The following CSMD1 variants were observed in gnomAD, a reference collection of about 807,000 sequenced individuals.
The protein encoded by CSMD1 is CUB and sushi domain-containing protein 1.
CSMD1 carries 213 observed loss-of-function variants against 417.5 expected under a neutral mutation model. The ratio of observed to expected loss-of-function variants is 0.51; its 90% CI spans 0.46 to 0.57. The LOEUF is 0.57. CSMD1 is among the 20% of genes least tolerant of loss of function. The pLI, the probability that CSMD1 is intolerant of heterozygous loss-of-function variation, is 0.00. For synonymous variants in CSMD1, 2,862 were observed against 1,736.8 expected, an observed-to-expected ratio of 1.65 and a Z score of -16.11; for missense variants, 6,923 against 4,529.7, an observed-to-expected ratio of 1.53 and a Z score of -15.17.
At chr8:4,702,106 C>G (rs576988032) in intron 1 of CSMD1, among the ~76,000 whole-genome samples, 1 of 152,220 alleles carries the variant, frequency 6.6e-6, no homozygotes, top group East Asian at 1.9e-4. Context: ...TGGAGCCTGT[C>G]AGGGATGAGG....
chr8:3,222,678 G>A (rs1798286214), intron 28 of CSMD1, among the ~76,000 whole-genome samples: 1 of 152,072 alleles, frequency 6.6e-6, no homozygotes, highest in South Asian at 2.1e-4. Flanking sequence ...GACGCTACTA[G>A]AATTTAACAT....
chr8:3,240,913 G>C (rs1379674110), intron 26 of CSMD1, among the ~76,000 whole-genome samples: 3 of 151,950 alleles, frequency 2.0e-5, no homozygotes, highest in African/African-American at 7.3e-5. Context: ...TAGCAGGCAA[G>C]TGATAACAGG....
intron 5 of CSMD1, among the ~76,000 whole-genome samples, chr8:3,862,029 C>T (rs1200986433): frequency 3.3e-5 from 5 of 152,188 alleles, no homozygotes; most frequent in Non-Finnish European, 5.9e-5. Context: ...ATTCCATGCC[C>T]CAACCATTGC....
chr8:3,876,344 T>C (rs1805820919), intron 5 of CSMD1, among the ~76,000 whole-genome samples: 1 of 152,188 alleles, frequency 6.6e-6, no homozygotes, highest in Non-Finnish European at 1.5e-5. Flanking sequence ...ATGACTGTTG[T>C]GTTAGTTTTC....
At position 3,869,679 on chromosome 8, in the gene CSMD1, C is replaced by G. The variant is rs1317714333; in HGVS notation, c.819-115637G>C. On this transcript the variant is annotated intron_variant, in intron 5 of 69. Transcript: ENST00000635120. ...TCTAGTTGCCACAGGAGGAAAGGTG[C>G]ACAGGTGCGCGCAGCCAGGAGCATG... 2.0e-5 allele frequency among the ~76,000 whole-genome samples: 3 copies of G among 152,100 alleles called. No individual in the cohort carries two copies. The East Asian group carries it at 5.8e-4, about 29-fold the overall frequency.
chr8:3,515,194 G>C (rs1044669603), intron 10 of CSMD1: 1 of 152,136 alleles, frequency 6.6e-6, no homozygotes, highest in Admixed American at 6.6e-5. Flanking sequence ...AAATTTTAAA[G>C]ATTTGAGGAA....
chr8:4,869,616 A>G (rs1355087822), intron 1 of CSMD1, among the ~76,000 whole-genome samples: 1 of 152,082 alleles, frequency 6.6e-6, no homozygotes, highest in African/African-American at 2.4e-5. Context: ...CATTCTTTAA[A>G]AAGTATGAAT....
intron 28 of CSMD1, among the ~76,000 whole-genome samples, chr8:3,220,150 CAA>C (rs756296256): frequency 6.1e-5 from 7 of 114,124 alleles, no homozygotes; most frequent in South Asian, 3.1e-4. Context: ...AAGACCCTGT[CAA>C]AAAAAAAAAA....
intron 10 of CSMD1, among the ~76,000 whole-genome samples, chr8:3,508,767 G>C (rs1193300177): frequency 6.6e-6 from 1 of 152,070 alleles, no homozygotes. Context: ...ACCGAATAGA[G>C]GACAGAACGC....
At chr8:4,369,860 G>A (rs1365890107) in intron 3 of CSMD1, among the ~76,000 whole-genome samples, 2 of 152,152 alleles carry the variant, frequency 1.3e-5, no homozygotes, top group East Asian at 1.9e-4. Flanking sequence ...GAAGACAGCA[G>A]AGAGTTGGGT....
intron 2 of CSMD1, among the ~76,000 whole-genome samples, chr8:4,439,931 T>C (rs1193179040): frequency 6.6e-6 from 1 of 152,144 alleles, no homozygotes; most frequent in African/African-American, 2.4e-5. Context: ...AGTAATAATA[T>C]ATGTTTACAG....
At chr8:3,421,821 AC>A (rs1199933382) in intron 12 of CSMD1, among the ~76,000 whole-genome samples, 1 of 152,144 alleles carries the variant, frequency 6.6e-6, no homozygotes, top group Non-Finnish European at 1.5e-5. Flanking sequence ...TATTTTTCGT[AC>A]AGACAGGGTT....
chr8:4,486,899 G>A (rs148976873), intron 2 of CSMD1, among the ~76,000 whole-genome samples: 1,636 of 152,148 alleles, frequency 0.011, 26 homozygotes, highest in African/African-American at 0.038. Context: ...CAAGAAGAAG[G>A]GGGAATTAGA....
rs115164763 is a variant in CSMD1, at chr8:4,020,229, T to C, written c.610+11676A>G. Among the ~76,000 whole-genome samples the C allele has an allele frequency of 1.6e-3, 238 of 152,348 alleles. 2 individuals are homozygous for C. The highest frequency in any genetic ancestry group is 5.6e-3 in the African/African-American group (234 of 41,580). Reference sequence around the variant, plus strand: ...CTTGAGGCCAGACAGATTAAATAAATTGACCAAAGACACACAGTGTCCAAT... The same window carrying C: ...CTTGAGGCCAGACAGATTAAATAAACTGACCAAAGACACACAGTGTCCAAT... On this transcript the variant is annotated intron_variant, in intron 4 of 69. Coordinates refer to ENST00000635120, the MANE Select transcript of CSMD1 (RefSeq NM_033225.6).
intron 3 of CSMD1, among the ~76,000 whole-genome samples, chr8:4,204,585 T>C (rs1186500749): frequency 6.6e-6 from 1 of 152,202 alleles, no homozygotes; most frequent in Non-Finnish European, 1.5e-5. Flanking sequence ...AGATTCAATC[T>C]GACAAAAATA....
chr8:4,119,293 A>T (rs764102514), intron 3 of CSMD1, among the ~76,000 whole-genome samples: 3 of 152,186 alleles, frequency 2.0e-5, no homozygotes, highest in Non-Finnish European at 4.4e-5. Context: ...AACAACCCAA[A>T]TCTAAATGTC....
intron 3 of CSMD1, among the ~76,000 whole-genome samples, chr8:4,290,305 A>C (rs1797289192): frequency 6.6e-6 from 1 of 152,086 alleles, no homozygotes; most frequent in Non-Finnish European, 1.5e-5. Context: ...ACAGATGTGA[A>C]ATTTCAGATG....
intron 8 of CSMD1, among the ~76,000 whole-genome samples, chr8:3,615,971 T>A (rs182162047): frequency 1.4e-4 from 22 of 152,308 alleles, no homozygotes; most frequent in Admixed American, 1.4e-3. Flanking sequence ...CAACAGAAAA[T>A]CAGTATCTAG....
In CSMD1 at chr8:3,631,626, T is replaced by G. The variant is rs370610900; in HGVS notation, c.1010-14829A>C. Among the ~76,000 whole-genome samples, 18 of 152,300 alleles carry G rather than the reference T, an allele frequency of 1.2e-4. No individual in the cohort carries two copies. The East Asian group carries it at 1.9e-3, about 16-fold the overall frequency. ...GAAGGATCCATCGGTTTTGCAACAC[T>G]GAAGATCACTGGTGATTTTAGCCAG... is the stretch of plus-strand genomic sequence containing the variant. On this transcript the variant is annotated intron_variant, in intron 7 of 69. Coordinates refer to ENST00000635120, the MANE Select transcript of CSMD1 (RefSeq NM_033225.6).
Sources: allele counts gnomAD v4.1 joint callset (sites outside exome capture counted in the v4.1 genomes callset), GRCh38; gene constraint gnomAD v4.1.1; transcripts MANE v1.5; gene names NCBI Gene and HGNC (gene_info 2026-07-23, HGNC 2026-07-21).